The following LDB2 variants were observed in gnomAD, a reference collection of about 807,000 sequenced individuals.
The protein encoded by LDB2 is LIM domain binding 2.
In LDB2, 12 loss-of-function variants were observed where a neutral mutation model predicts 44.3. That is an observed-to-expected ratio of 0.27 (90% CI 0.17 to 0.44). The LOEUF is 0.44. Ranked by LOEUF, LDB2 falls within the 20% of genes least tolerant of loss-of-function variation. The probability of loss-of-function intolerance (pLI) is 1.00; values close to 1 mark genes in which losing one functional copy is unlikely to be tolerated. For missense variants in LDB2, 344 were observed against 473.5 expected, an observed-to-expected ratio of 0.73 and a Z score of 2.54; for synonymous variants, 164 against 174.8, an observed-to-expected ratio of 0.94 and a Z score of 0.49.
At chr4:16,805,919 C>T (rs899935396) in intron 1 of LDB2, among the ~76,000 whole-genome samples, 2 of 152,168 alleles carry the variant, frequency 1.3e-5, no homozygotes, top group African/African-American at 4.8e-5. Context: ...TCTTCTCTGA[C>T]TGAAAACCAT....
At chr4:16,860,891 A>T (rs1407659160) in intron 1 of LDB2, among the ~76,000 whole-genome samples, 4 of 150,812 alleles carry the variant, frequency 2.7e-5, no homozygotes, top group Non-Finnish European at 5.9e-5. Flanking sequence ...AAAACTGAAT[A>T]CCCCAGGGGC....
At chr4:16,833,596 G>A (rs1784401155) in intron 1 of LDB2, among the ~76,000 whole-genome samples, 1 of 147,100 alleles carries the variant, frequency 6.8e-6, no homozygotes, top group African/African-American at 2.5e-5. Context: ...AGTCTGGAGT[G>A]CAGTGGCGCG....
chr4:16,843,912 C>A (rs1786392322), intron 1 of LDB2, among the ~76,000 whole-genome samples: 1 of 151,972 alleles, frequency 6.6e-6, no homozygotes, highest in African/African-American at 2.4e-5. Context: ...GCTGCCACGC[C>A]CAGCAAATTT....
chr4:16,818,835 T>C (rs185265973), intron 1 of LDB2, among the ~76,000 whole-genome samples: 96 of 152,318 alleles, frequency 6.3e-4, no homozygotes, highest in African/African-American at 2.3e-3. Flanking sequence ...ATGTTAACTA[T>C]CACACTCAAT....
intron 1 of LDB2, among the ~76,000 whole-genome samples, chr4:16,867,292 C>T (rs549453669): frequency 6.6e-6 from 1 of 152,302 alleles, no homozygotes; most frequent in Admixed American, 6.5e-5. Flanking sequence ...CAGATTAATA[C>T]ACAATCTAAT....
chr4:16,670,114 T>C (rs1744321661), intron 2 of LDB2, among the ~76,000 whole-genome samples: 1 of 152,168 alleles, frequency 6.6e-6, no homozygotes, highest in Admixed American at 6.5e-5. Context: ...TCTAAATCAT[T>C]GATGAAGAGC....
chr4:16,853,153 A>T (rs536695175), intron 1 of LDB2, among the ~76,000 whole-genome samples: 56 of 152,326 alleles, frequency 3.7e-4, no homozygotes, highest in African/African-American at 1.3e-3. Context: ...TTTAATTTTT[A>T]AATTTTCTAT....
chr4:16,792,755 G>A (rs1719259640), intron 1 of LDB2, among the ~76,000 whole-genome samples: 1 of 152,168 alleles, frequency 6.6e-6, no homozygotes, highest in Admixed American at 6.5e-5. Context: ...AGTCCTTTTT[G>A]CTCAGTGACT....
chr4:16,674,109 G>T, intron 2 of LDB2: 1 of 582,698 alleles, frequency 1.7e-6, no homozygotes, highest in South Asian at 1.7e-5. Context: ...GGGGAAGGAA[G>T]TTGGAAAGAT....
intron 1 of LDB2, among the ~76,000 whole-genome samples, chr4:16,887,409 G>T (rs1722076511): frequency 6.6e-6 from 1 of 152,104 alleles, no homozygotes; most frequent in Non-Finnish European, 1.5e-5. Context: ...GGACTAGTAG[G>T]TTCCATCAAA....
intron 1 of LDB2, among the ~76,000 whole-genome samples, chr4:16,891,840 A>T (rs2110522046): frequency 6.6e-6 from 1 of 152,318 alleles, no homozygotes; most frequent in South Asian, 2.1e-4. Flanking sequence ...CACATTAAAA[A>T]TTTCTATAGG....
intron 1 of LDB2, among the ~76,000 whole-genome samples, chr4:16,863,939 C>A (rs1238149090): frequency 1.3e-5 from 2 of 152,150 alleles, no homozygotes; most frequent in African/African-American, 4.8e-5. Flanking sequence ...GGATTACAGG[C>A]GTGAGCCACC....
chr4:16,855,311 C>G (rs147535582), intron 1 of LDB2, among the ~76,000 whole-genome samples: 177 of 152,206 alleles, frequency 1.2e-3, no homozygotes, highest in Non-Finnish European at 2.1e-3. Flanking sequence ...ATATTTGTCA[C>G]CACCATGCAC....
chr4:16,842,223 C>T (rs1278866383), intron 1 of LDB2, among the ~76,000 whole-genome samples: 2 of 152,096 alleles, frequency 1.3e-5, no homozygotes, highest in African/African-American at 2.4e-5. Context: ...AAACCTTTGG[C>T]TGCTAAATAC....
chr4:16,595,033 C>T (rs2152438085), intron 3 of LDB2, among the ~76,000 whole-genome samples: 1 of 152,246 alleles, frequency 6.6e-6, no homozygotes, highest in South Asian at 2.1e-4. Flanking sequence ...CTATGTAGGG[C>T]AAGGATCATA....
At chr4:16,525,198 T>C (rs1469272839) in intron 5 of LDB2, among the ~76,000 whole-genome samples, 1 of 152,156 alleles carries the variant, frequency 6.6e-6, no homozygotes, top group African/African-American at 2.4e-5. Context: ...GCTGTGTCCC[T>C]AAGGCTGCTG....
chr4:16,887,224 A>AGC (rs1722019983), intron 1 of LDB2, among the ~76,000 whole-genome samples: 2 of 151,222 alleles, frequency 1.3e-5, no homozygotes, highest in African/African-American at 4.9e-5. Context: ...AGACTTGAAA[A>AGC]AAAAAAAAAA....
chr4:16,624,218 C>T (rs916238651), intron 2 of LDB2, among the ~76,000 whole-genome samples: 6 of 152,084 alleles, frequency 3.9e-5, no homozygotes, highest in East Asian at 3.9e-4. Context: ...TGTAGCATCC[C>T]GTAACACCAT....
chr4:16,881,535 G>T (rs180702762), intron 1 of LDB2, among the ~76,000 whole-genome samples: 5 of 150,736 alleles, frequency 3.3e-5, no homozygotes, highest in Admixed American at 6.6e-5. Context: ...ACCATTCAAG[G>T]CTTTGAATGA....
Sources: gnomAD v4.1 joint callset for allele counts (sites outside exome capture counted in the v4.1 genomes callset) on GRCh38, gnomAD v4.1.1 for gene constraint, MANE v1.5 for transcripts, NCBI Gene and HGNC (gene_info 2026-07-23, HGNC 2026-07-21) for gene names.